Variants in SPMIP2 observed in about 807,000 individuals in gnomAD.
The protein encoded by SPMIP2 is protein SPMIP2.
At chr4:158,956,975 A>G in the SPMIP2 span, among the ~76,000 whole-genome samples, 1 of 152,074 alleles carries the variant, frequency 6.6e-6, no homozygotes, top group Non-Finnish European at 1.5e-5. Context: ...TCTATTGCCC[A>G]GGCTGGAGTA....
the SPMIP2 span, among the ~76,000 whole-genome samples, chr4:158,962,548 T>C: frequency 6.6e-6 from 1 of 152,210 alleles, no homozygotes; most frequent in Non-Finnish European, 1.5e-5. Context: ...TCCCTACGGC[T>C]ATCTTTTCTT....
the SPMIP2 span, among the ~76,000 whole-genome samples, chr4:159,061,084 C>CA: frequency 4.9e-4 from 68 of 138,376 alleles, no homozygotes; most frequent in African/African-American, 1.4e-3. Context: ...GACCCTATCT[C>CA]AAAAAAAAAA....
chr4:159,027,224 T>C, the SPMIP2 span, among the ~76,000 whole-genome samples: 1 of 152,224 alleles, frequency 6.6e-6, no homozygotes, highest in African/African-American at 2.4e-5. Context: ...TAATATCTAA[T>C]GTCCTTATCA....
chr4:158,917,813 C>T, the SPMIP2 span, among the ~76,000 whole-genome samples: 2,307 of 147,576 alleles, frequency 0.016, 52 homozygotes, highest in African/African-American at 0.056. Flanking sequence ...CCTCTGCCTC[C>T]CAGGTCCAAG....
At chr4:158,922,908 T>C in the SPMIP2 span, among the ~76,000 whole-genome samples, 1 of 152,246 alleles carries the variant, frequency 6.6e-6, no homozygotes, top group Non-Finnish European at 1.5e-5. Context: ...ATGTACTTCA[T>C]TCCTTTTTAT....
At chr4:158,987,218 G>C in the SPMIP2 span, among the ~76,000 whole-genome samples, 1 of 149,460 alleles carries the variant, frequency 6.7e-6, no homozygotes, top group South Asian at 2.2e-4. Flanking sequence ...GTGGAAGTCA[G>C]TGTGGCAATT....
the SPMIP2 span, among the ~76,000 whole-genome samples, chr4:158,931,607 GC>G: frequency 6.6e-6 from 1 of 151,796 alleles, no homozygotes; most frequent in Non-Finnish European, 1.5e-5. Context: ...TGGCTCTTTT[GC>G]CCAGGCTGGA....
the SPMIP2 span, among the ~76,000 whole-genome samples, chr4:158,944,721 T>C: frequency 6.6e-6 from 1 of 152,208 alleles, no homozygotes; most frequent in Non-Finnish European, 1.5e-5. Flanking sequence ...TCACTCAAAC[T>C]AGAAAATTTG....
chr4:158,988,619 C>G, the SPMIP2 span, among the ~76,000 whole-genome samples: 1,644 of 152,274 alleles, frequency 0.011, 84 homozygotes, highest in East Asian at 0.18. Flanking sequence ...ATCACATAAA[C>G]ACAACCAATG....
At chr4:159,055,890 G>C in the SPMIP2 span, among the ~76,000 whole-genome samples, 8 of 152,094 alleles carry the variant, frequency 5.3e-5, no homozygotes, top group Non-Finnish European at 1.0e-4. Context: ...TTAAAGCAAA[G>C]GATAAAGAAA....
At chr4:159,030,965 CATG>C in the SPMIP2 span, among the ~76,000 whole-genome samples, 1 of 152,094 alleles carries the variant, frequency 6.6e-6, no homozygotes, top group East Asian at 1.9e-4. Context: ...AATGATTTCT[CATG>C]ATATTTTGTT....
the SPMIP2 span, among the ~76,000 whole-genome samples, chr4:158,963,202 T>G: frequency 2.6e-5 from 4 of 152,284 alleles, no homozygotes; most frequent in African/African-American, 9.6e-5. Flanking sequence ...TCCCATTTGT[T>G]GAGCATGCTA....
At chr4:158,963,644 C>G in the SPMIP2 span, among the ~76,000 whole-genome samples, 1 of 152,214 alleles carries the variant, frequency 6.6e-6, no homozygotes, top group African/African-American at 2.4e-5. Flanking sequence ...TACACGTGTT[C>G]TCAGATATTC....
At chr4:158,992,568 T>C in the SPMIP2 span, among the ~76,000 whole-genome samples, 1 of 19,594 alleles carries the variant, frequency 5.1e-5, no homozygotes, top group Non-Finnish European at 1.3e-4. Flanking sequence ...CTGTCTTGGT[T>C]TGTGCTGCTA....
At chr4:158,990,883 G>C in the SPMIP2 span, among the ~76,000 whole-genome samples, 1 of 148,510 alleles carries the variant, frequency 6.7e-6, no homozygotes, top group Non-Finnish European at 1.5e-5. Context: ...AATAAAAAAC[G>C]TTTGCAGATA....
the SPMIP2 span, among the ~76,000 whole-genome samples, chr4:159,024,058 C>T: frequency 1.3e-5 from 2 of 152,176 alleles, no homozygotes; most frequent in African/African-American, 4.8e-5. Flanking sequence ...TCAACCCTTA[C>T]TACAGAGCAG....
chr4:159,041,610 G>A, the SPMIP2 span, among the ~76,000 whole-genome samples: 1,400 of 152,260 alleles, frequency 9.2e-3, 25 homozygotes, highest in African/African-American at 0.032. Context: ...TTCTCAGTTC[G>A]GAATGTTTTT....
At chr4:158,939,281 C>T in the SPMIP2 span, among the ~76,000 whole-genome samples, 1 of 152,140 alleles carries the variant, frequency 6.6e-6, no homozygotes, top group African/African-American at 2.4e-5. Flanking sequence ...ATTTTAGTTA[C>T]TTTGCAAATT....
the SPMIP2 span, among the ~76,000 whole-genome samples, chr4:159,033,407 C>T: frequency 6.6e-6 from 1 of 151,828 alleles, no homozygotes; most frequent in African/African-American, 2.4e-5. Flanking sequence ...TTGTCAAGAC[C>T]CCCATATATT....
Sources: allele counts gnomAD v4.1 joint callset (sites outside exome capture counted in the v4.1 genomes callset), GRCh38; gene constraint gnomAD v4.1.1; transcripts MANE v1.5; gene names NCBI Gene and HGNC (gene_info 2026-07-23, HGNC 2026-07-21).